SLC4A10: variants seen among roughly 807,000 people sequenced by gnomAD.
SLC4A10 encodes sodium-driven chloride bicarbonate exchanger.
Under a neutral mutation model 137.7 loss-of-function variants are expected in SLC4A10, and 42 were observed. The observed-to-expected ratio is 0.30, with a 90% CI of 0.24 to 0.39. The LOEUF is 0.39. Ranked by LOEUF, SLC4A10 falls within the 10% of genes least tolerant of loss-of-function variation. SLC4A10 has a pLI of 1.00. For missense variants in SLC4A10, 925 were observed against 1,355.0 expected, an observed-to-expected ratio of 0.68 and a Z score of 4.98; for synonymous variants, 474 against 464.1, an observed-to-expected ratio of 1.02 and a Z score of -0.27.
At chr2:161,956,518 C>A (rs887175253) in intron 19 of SLC4A10, among the ~76,000 whole-genome samples, 2 of 133,486 alleles carry the variant, frequency 1.5e-5, no homozygotes, top group Non-Finnish European at 3.3e-5. Context: ...TCAGAGAGCA[C>A]CCTGTCTGTG....
chr2:161,858,222 G>A (rs190502640), intron 5 of SLC4A10, among the ~76,000 whole-genome samples: 1 of 152,088 alleles, frequency 6.6e-6, no homozygotes, highest in Admixed American at 6.5e-5. Flanking sequence ...GAATACACAG[G>A]CTTTACAGTA....
chr2:161,906,269 T>G (rs550102772), intron 15 of SLC4A10, among the ~76,000 whole-genome samples: 1 of 152,340 alleles, frequency 6.6e-6, no homozygotes, highest in East Asian at 1.9e-4. Flanking sequence ...AATGAAAATA[T>G]AAGATTTCAA....
At chr2:161,625,960 G>T (rs536121149) in intron 1 of SLC4A10, among the ~76,000 whole-genome samples, 26 of 152,028 alleles carry the variant, frequency 1.7e-4, no homozygotes, top group Non-Finnish European at 3.2e-4. Flanking sequence ...TTTCTTTGTG[G>T]CATCAAAGTG....
chr2:161,982,706 G>A (rs556886025), intron 26 of SLC4A10, among the ~76,000 whole-genome samples: 1 of 152,260 alleles, frequency 6.6e-6, no homozygotes, highest in Non-Finnish European at 1.5e-5. Flanking sequence ...ACCTGGCCAA[G>A]GTACAGTCTT....
chr2:161,630,651 G>A (rs1287261201), intron 1 of SLC4A10, among the ~76,000 whole-genome samples: 1 of 151,656 alleles, frequency 6.6e-6, no homozygotes, highest in Non-Finnish European at 1.5e-5. Flanking sequence ...CTATTATATA[G>A]TCTCTATTAC....
intron 1 of SLC4A10, among the ~76,000 whole-genome samples, chr2:161,715,746 G>A (rs188755440): frequency 4.6e-5 from 7 of 152,168 alleles, no homozygotes; most frequent in Admixed American, 2.0e-4. Context: ...TATCATTGAT[G>A]GGCATTTGGG....
chr2:161,747,323 T>G (rs1358092096), intron 1 of SLC4A10, among the ~76,000 whole-genome samples: 1 of 152,170 alleles, frequency 6.6e-6, no homozygotes, highest in African/African-American at 2.4e-5. Flanking sequence ...TGTGTTGTTT[T>G]CTGCTGTGAC....
At chr2:161,714,526 A>G (rs1368171772) in intron 1 of SLC4A10, among the ~76,000 whole-genome samples, 1 of 151,932 alleles carries the variant, frequency 6.6e-6, no homozygotes, top group Non-Finnish European at 1.5e-5. Context: ...CTAAAAGGCA[A>G]CAGAGACTGG....
At chr2:161,762,980 G>T (rs1236795375) in intron 1 of SLC4A10, among the ~76,000 whole-genome samples, 2 of 152,040 alleles carry the variant, frequency 1.3e-5, no homozygotes, top group African/African-American at 4.8e-5. Context: ...CCCATAGATT[G>T]AGAGAGACCA....
chr2:161,881,321 C>A (rs983669616), intron 9 of SLC4A10, among the ~76,000 whole-genome samples: 18 of 151,962 alleles, frequency 1.2e-4, no homozygotes, highest in Non-Finnish European at 2.2e-4. Context: ...TGATAAAGCA[C>A]CTGCTACCGA....
At chr2:161,652,424 T>C (rs1202300880) in intron 1 of SLC4A10, among the ~76,000 whole-genome samples, 2 of 152,122 alleles carry the variant, frequency 1.3e-5, no homozygotes, top group African/African-American at 2.4e-5. Context: ...AGAGAAAAGA[T>C]ATACACACAC....
chr2:161,919,085 T>C (rs548981144), intron 15 of SLC4A10, among the ~76,000 whole-genome samples: 31 of 152,334 alleles, frequency 2.0e-4, no homozygotes, highest in African/African-American at 6.7e-4. Flanking sequence ...TGGCCAAGCC[T>C]GGGTGCTCTT....
At chr2:161,908,872 G>T (rs1295372243) in intron 15 of SLC4A10, among the ~76,000 whole-genome samples, 1 of 151,996 alleles carries the variant, frequency 6.6e-6, no homozygotes, top group Non-Finnish European at 1.5e-5. Flanking sequence ...AGATAAACAT[G>T]GGATTGCAAC....
At chr2:161,893,596 G>A (rs931606722) in intron 10 of SLC4A10, among the ~76,000 whole-genome samples, 5 of 152,060 alleles carry the variant, frequency 3.3e-5, no homozygotes, top group African/African-American at 1.2e-4. Context: ...CTACTTGGAA[G>A]ACAGGAGCTT....
At chr2:161,737,328 T>C (rs1574662673) in intron 1 of SLC4A10, among the ~76,000 whole-genome samples, 1 of 152,210 alleles carries the variant, frequency 6.6e-6, no homozygotes, top group East Asian at 1.9e-4. Flanking sequence ...CATCAGGGAA[T>C]AGGGTAAAGA....
At chr2:161,728,033 G>A (rs1434041095) in intron 1 of SLC4A10, among the ~76,000 whole-genome samples, 1 of 152,082 alleles carries the variant, frequency 6.6e-6, no homozygotes, top group African/African-American at 2.4e-5. Flanking sequence ...AAAAATGAAA[G>A]TGAAGACACA....
intron 1 of SLC4A10, among the ~76,000 whole-genome samples, chr2:161,689,002 C>T (rs1238419563): frequency 2.0e-5 from 3 of 151,230 alleles, no homozygotes; most frequent in South Asian, 2.1e-4. Flanking sequence ...TAAAAAAGAA[C>T]AAAAATTTTT....
intron 15 of SLC4A10, among the ~76,000 whole-genome samples, chr2:161,923,894 G>A (rs1445630626): frequency 6.6e-6 from 1 of 152,038 alleles, no homozygotes; most frequent in Non-Finnish European, 1.5e-5. Flanking sequence ...TATACATAAG[G>A]AAACTGAAAC....
chr2:161,744,817 A>G (rs1406886343), intron 1 of SLC4A10, among the ~76,000 whole-genome samples: 2 of 150,460 alleles, frequency 1.3e-5, no homozygotes, highest in Non-Finnish European at 3.0e-5. Context: ...TTAAAAAGAT[A>G]TTGTAGTTTT....
Sources: allele counts gnomAD v4.1 joint callset (sites outside exome capture counted in the v4.1 genomes callset), GRCh38; gene constraint gnomAD v4.1.1; transcripts MANE v1.5; gene names NCBI Gene and HGNC (gene_info 2026-07-23, HGNC 2026-07-21).